Variants in ESRRG observed in about 807,000 individuals in gnomAD.
ESRRG encodes the protein estrogen-related receptor gamma.
In ESRRG, 13 loss-of-function variants were observed where a neutral mutation model predicts 44.0. The ratio of observed to expected loss-of-function variants is 0.30; its 90% CI spans 0.19 to 0.47. ESRRG has a LOEUF of 0.47. ESRRG is among the 20% of genes least tolerant of loss of function. The pLI is 1.00. For synonymous variants in ESRRG, 215 were observed against 214.6 expected, an observed-to-expected ratio of 1.00 and a Z score of -0.02; for missense variants, 395 against 580.6, an observed-to-expected ratio of 0.68 and a Z score of 3.29.
At chr1:216,684,031 C>G (rs1028835552) in intron 1 of ESRRG, among the ~76,000 whole-genome samples, 2 of 152,096 alleles carry the variant, frequency 1.3e-5, no homozygotes, top group Non-Finnish European at 2.9e-5. Flanking sequence ...AATGGAGGCC[C>G]AGAAATATGG....
intron 1 of ESRRG, among the ~76,000 whole-genome samples, chr1:216,993,297 C>T (rs1243570631): frequency 1.3e-5 from 2 of 152,190 alleles, no homozygotes; most frequent in Non-Finnish European, 2.9e-5. Context: ...AGAGAAAGCC[C>T]TCCTCCCTCA....
At chr1:217,071,276 CA>C (rs2090527643) in intron 1 of ESRRG, among the ~76,000 whole-genome samples, 1 of 151,988 alleles carries the variant, frequency 6.6e-6, no homozygotes, top group African/African-American at 2.4e-5. Flanking sequence ...AACAAACAAA[CA>C]AAAACACCTT....
intron 5 of ESRRG, among the ~76,000 whole-genome samples, chr1:216,538,809 G>A (rs530439514): frequency 3.0e-4 from 46 of 152,076 alleles, no homozygotes; most frequent in South Asian, 8.3e-4. Flanking sequence ...GTATGATGAG[G>A]TTGCAAGATG....
intron 2 of ESRRG, chr1:216,863,257 A>T (rs1479643182): frequency 2.0e-5 from 3 of 151,804 alleles, no homozygotes; most frequent in African/African-American, 4.8e-5. Flanking sequence ...AATCACTGAT[A>T]TATATGAGAA....
intron 2 of ESRRG, among the ~76,000 whole-genome samples, chr1:216,747,147 A>C (rs1236118623): frequency 1.3e-5 from 2 of 152,186 alleles, no homozygotes; most frequent in Non-Finnish European, 2.9e-5. Flanking sequence ...CCTATTTGTG[A>C]GATAAATGAT....
intron 2 of ESRRG, among the ~76,000 whole-genome samples, chr1:216,843,330 C>T (rs958381435): frequency 3.9e-5 from 6 of 151,950 alleles, no homozygotes; most frequent in Admixed American, 2.0e-4. Context: ...CTTTTTTCCA[C>T]AGGGCTCTAC....
At chr1:216,569,927 G>GT (rs2060479831) in intron 3 of ESRRG, among the ~76,000 whole-genome samples, 1 of 152,068 alleles carries the variant, frequency 6.6e-6, no homozygotes, top group African/African-American at 2.4e-5. Flanking sequence ...CAGAGCTCCA[G>GT]TTTTTTTGGA....
intron 2 of ESRRG, among the ~76,000 whole-genome samples, chr1:216,774,798 CT>C (rs58598227): frequency 7.8e-4 from 86 of 110,750 alleles, no homozygotes; most frequent in Non-Finnish European, 8.8e-4. Flanking sequence ...ATAATTTCTT[CT>C]TTTTTTTTTT....
At chr1:216,584,983 A>G (rs2063494907) in intron 3 of ESRRG, among the ~76,000 whole-genome samples, 1 of 152,236 alleles carries the variant, frequency 6.6e-6, no homozygotes, top group South Asian at 2.1e-4. Flanking sequence ...ATTCATTGCT[A>G]ACAAGAATGA....
intron 1 of ESRRG, among the ~76,000 whole-genome samples, chr1:216,696,312 A>G (rs1015288390): frequency 1.3e-5 from 2 of 152,206 alleles, no homozygotes; most frequent in African/African-American, 4.8e-5. Context: ...TTTAATATCA[A>G]TATTTTATAG....
At chr1:216,531,823 A>C (rs974720453) in intron 5 of ESRRG, among the ~76,000 whole-genome samples, 1 of 152,086 alleles carries the variant, frequency 6.6e-6, no homozygotes, top group Non-Finnish European at 1.5e-5. Flanking sequence ...AAGAGCACCC[A>C]CAGCAGTCCC....
intron 1 of ESRRG, among the ~76,000 whole-genome samples, chr1:217,116,009 T>C (rs1300220509): frequency 6.6e-6 from 1 of 152,152 alleles, no homozygotes; most frequent in Non-Finnish European, 1.5e-5. Flanking sequence ...ACTAGCAGTT[T>C]TGAGGATATT....
chr1:216,932,648 C>T (rs2063519971), intron 2 of ESRRG, among the ~76,000 whole-genome samples: 1 of 150,784 alleles, frequency 6.6e-6, no homozygotes, highest in African/African-American at 2.4e-5. Flanking sequence ...TTCCTGAATT[C>T]CTGAGCTCAG....
At chr1:217,036,263 A>G (rs1338010737) in intron 1 of ESRRG, among the ~76,000 whole-genome samples, 1 of 152,196 alleles carries the variant, frequency 6.6e-6, no homozygotes, top group Admixed American at 6.5e-5. Flanking sequence ...TGATTTCTCA[A>G]AGTCCTAAAG....
intron 2 of ESRRG, among the ~76,000 whole-genome samples, chr1:216,927,473 G>A (rs1472840046): frequency 1.3e-5 from 2 of 152,176 alleles, no homozygotes; most frequent in Non-Finnish European, 2.9e-5. Context: ...ATGGATCCAA[G>A]GGGCTGAGGA....
At chr1:217,114,586 A>T (rs2092698155) in intron 1 of ESRRG, among the ~76,000 whole-genome samples, 1 of 152,050 alleles carries the variant, frequency 6.6e-6, no homozygotes, top group Non-Finnish European at 1.5e-5. Flanking sequence ...AACTGAACCT[A>T]AATTCAGTTT....
intron 1 of ESRRG, among the ~76,000 whole-genome samples, chr1:217,030,358 G>A (rs149096892): frequency 5.9e-5 from 9 of 152,188 alleles, no homozygotes; most frequent in African/African-American, 1.4e-4. Flanking sequence ...ACCATTACCC[G>A]AAACTCAACC....
chr1:216,936,784 G>T (rs1209159607), intron 2 of ESRRG: 1 of 151,728 alleles, frequency 6.6e-6, no homozygotes, highest in African/African-American at 2.4e-5. Context: ...GTAAATTTTG[G>T]CTTATATTAA....
At chr1:216,556,641 TG>T (rs1176653177) in intron 5 of ESRRG, among the ~76,000 whole-genome samples, 1 of 152,164 alleles carries the variant, frequency 6.6e-6, no homozygotes, top group African/African-American at 2.4e-5. Context: ...TTTTTCATGA[TG>T]GGGTCCTTGC....
Sources: allele counts gnomAD v4.1 joint callset (sites outside exome capture counted in the v4.1 genomes callset), GRCh38; gene constraint gnomAD v4.1.1; transcripts MANE v1.5; gene names NCBI Gene and HGNC (gene_info 2026-07-23, HGNC 2026-07-21).